Variants in C1GALT1 observed in about 807,000 individuals in gnomAD.
C1GALT1 encodes the protein glycoprotein-N-acetylgalactosamine 3-beta-galactosyltransferase 1.
In C1GALT1, 11 loss-of-function variants were observed where a neutral mutation model predicts 31.0. The observed-to-expected ratio is 0.36, with a 90% CI of 0.22 to 0.59. The LOEUF (loss-of-function observed/expected upper bound fraction) is 0.59, where lower values mean the gene tolerates loss of function less well. C1GALT1 is among the 20% of genes least tolerant of loss of function. C1GALT1 has a pLI of 0.79. For missense variants in C1GALT1, 424 were observed against 425.2 expected (o/e 1.00, Z 0.03); for synonymous variants, 175 against 143.6 (o/e 1.22, Z -1.56).
At chr7:7,193,076 T>C (rs1781142925) in intron 1 of C1GALT1, among the ~76,000 whole-genome samples, 1 of 152,076 alleles carries the variant, frequency 6.6e-6, no homozygotes, top group African/African-American at 2.4e-5. Context: ...AGATGCATAG[T>C]TTACCAAGAT....
chr7:7,218,031 G>C (rs2128241256), intron 1 of C1GALT1, among the ~76,000 whole-genome samples: 1 of 151,872 alleles, frequency 6.6e-6, no homozygotes, highest in Non-Finnish European at 1.5e-5. Flanking sequence ...TGAGTATATA[G>C]TAAAGGTGTA....
intron 2 of C1GALT1, among the ~76,000 whole-genome samples, chr7:7,160,625 C>T (rs1562550198): frequency 2.0e-5 from 3 of 152,068 alleles, no homozygotes; most frequent in African/African-American, 7.2e-5. Flanking sequence ...AAAGAGAAGT[C>T]AAGTTCAGTT....
chr7:7,164,498 C>A (rs552501729), intron 2 of C1GALT1, among the ~76,000 whole-genome samples: 12 of 152,098 alleles, frequency 7.9e-5, no homozygotes, highest in Non-Finnish European at 1.5e-4. Context: ...TTCCAGAAAA[C>A]AGACTCTGAA....
At chr7:7,232,336 G>A (rs916641475) in intron 1 of C1GALT1, among the ~76,000 whole-genome samples, 1 of 152,106 alleles carries the variant, frequency 6.6e-6, no homozygotes, top group African/African-American at 2.4e-5. Context: ...GTGATTGTTG[G>A]TTTGTACTTT....
intron 2 of C1GALT1, chr7:7,235,433 A>G (rs73674699): frequency 6.6e-6 from 1 of 152,104 alleles, no homozygotes; most frequent in Admixed American, 6.6e-5. Flanking sequence ...ACTATTACAA[A>G]GTATGTCGTG....
At chr7:7,212,801 G>C (rs543162788) in intron 1 of C1GALT1, among the ~76,000 whole-genome samples, 12 of 152,208 alleles carry the variant, frequency 7.9e-5, no homozygotes, top group African/African-American at 2.2e-4. Context: ...TGTCACAAGG[G>C]CTGGGAGGAA....
intron 1 of C1GALT1, among the ~76,000 whole-genome samples, chr7:7,224,010 T>G (rs1782635297): frequency 6.6e-6 from 1 of 152,176 alleles, no homozygotes; most frequent in Non-Finnish European, 1.5e-5. Flanking sequence ...TCTGCATCTT[T>G]TCATTTGTGT....
upstream of C1GALT1, chr7:7,177,989 G>C (rs1780523027): frequency 9.1e-6 from 2 of 219,726 alleles, no homozygotes; most frequent in Non-Finnish European, 2.0e-5. Flanking sequence ...GGCACTGAAA[G>C]ATAAGTACCT....
chr7:7,232,439 G>A (rs888159143), intron 1 of C1GALT1, among the ~76,000 whole-genome samples: 4 of 151,384 alleles, frequency 2.6e-5, no homozygotes, highest in Non-Finnish European at 5.9e-5. Context: ...TGCTGTTAGT[G>A]GTGATTAGGT....
In C1GALT1 at chr7:7,202,705, G is replaced by T. The variant is rs554286143; in HGVS notation, c.-18+19885G>T. 8.5e-5 allele frequency among the ~76,000 whole-genome samples: 13 copies of T among 152,168 alleles called. No individual in the cohort carries two copies. The South Asian group carries it at 2.7e-3, about 32-fold the overall frequency. On this transcript the variant is annotated intron_variant, in intron 1 of 3. Transcript: ENST00000436587. Reference sequence around the variant, plus strand: ...TTTTCAAAACTGTTTTGGCTATTCAGGGTCCCTTAATATTCCATATGAATT... The same window carrying T: ...TTTTCAAAACTGTTTTGGCTATTCATGGTCCCTTAATATTCCATATGAATT...
intron 2 of C1GALT1, among the ~76,000 whole-genome samples, chr7:7,237,156 C>G (rs1783398965): frequency 6.6e-6 from 1 of 151,982 alleles, no homozygotes; most frequent in African/African-American, 2.4e-5. Context: ...TTTTATTTTT[C>G]TTATAATTCA....
At chr7:7,201,290 G>C (rs1368202049) in intron 1 of C1GALT1, among the ~76,000 whole-genome samples, 5 of 152,196 alleles carry the variant, frequency 3.3e-5, no homozygotes, top group Non-Finnish European at 2.9e-5. Context: ...TGTTAGCCTG[G>C]TTATCACCAG....
At chr7:7,232,455 G>C (rs1005616668) in intron 1 of C1GALT1, among the ~76,000 whole-genome samples, 1 of 149,910 alleles carries the variant, frequency 6.7e-6, no homozygotes, top group African/African-American at 2.5e-5. Context: ...TAGGTGAAGA[G>C]TTTGAGAAAT....
At chr7:7,226,666 TG>T (rs1170023332) in intron 1 of C1GALT1, among the ~76,000 whole-genome samples, 7 of 152,144 alleles carry the variant, frequency 4.6e-5, no homozygotes, top group Non-Finnish European at 8.8e-5. Context: ...GAATTTCAGA[TG>T]TGGCACCGAT....
intron 2 of C1GALT1, chr7:7,234,784 T>G: frequency 3.1e-6 from 1 of 323,020 alleles, no homozygotes. Context: ...GGCATAACTA[T>G]TCAGATTTGA....
In C1GALT1 at chr7:7,243,927, T is replaced by C; in HGVS notation, c.*200T>C. 2.5e-6 allele frequency: 1 copy of C among 395,296 alleles called. No homozygotes were observed. Among genetic ancestry groups the C allele is most frequent in the East Asian group, 4.3e-5 (1 of 23,250 alleles). 24.5% of individuals were successfully genotyped at this position (395,296 alleles called of 1,614,324 possible). A position where few individuals can be genotyped will look rare whatever the true frequency, so the allele number is the denominator to read the frequency against. ...GTTAAAATGTGTTTTGATACAGTAATATATAAATATGTCTATATATATGAG... is the reference window on the plus strand; with the variant it reads ...GTTAAAATGTGTTTTGATACAGTAACATATAAATATGTCTATATATATGAG... On this transcript the variant is annotated 3_prime_UTR_variant, in exon 4 of 4. Coordinates refer to ENST00000436587, the MANE Select transcript of C1GALT1 (RefSeq NM_020156.5).
At chr7:7,241,981 A>G (rs568546253) in intron 3 of C1GALT1, among the ~76,000 whole-genome samples, 4 of 152,110 alleles carry the variant, frequency 2.6e-5, no homozygotes, top group South Asian at 2.1e-4. Context: ...GAGGTCAGCA[A>G]TTTATAACTA....
At chr7:7,192,789 C>G (rs1781131796) in intron 1 of C1GALT1, among the ~76,000 whole-genome samples, 1 of 152,004 alleles carries the variant, frequency 6.6e-6, no homozygotes, top group Non-Finnish European at 1.5e-5. Context: ...AAAGTTTTCC[C>G]TTTTTACCAC....
At chr7:7,187,149 T>G (rs1780851646) in intron 1 of C1GALT1, among the ~76,000 whole-genome samples, 1 of 152,192 alleles carries the variant, frequency 6.6e-6, no homozygotes, top group African/African-American at 2.4e-5. Flanking sequence ...AAACGCACAG[T>G]AAATGGTTTG....
Sources: allele counts gnomAD v4.1 joint callset (sites outside exome capture counted in the v4.1 genomes callset), GRCh38; gene constraint gnomAD v4.1.1; transcripts MANE v1.5; gene names NCBI Gene and HGNC (gene_info 2026-07-23, HGNC 2026-07-21).